Variants in BTAF1 observed in about 807,000 individuals in gnomAD.
The protein encoded by BTAF1 is B-TFIID TATA-box binding protein associated factor 1, also known as TATA-binding protein-associated factor 172.
Under a neutral mutation model 227.1 loss-of-function variants are expected in BTAF1, and 38 were observed. The ratio of observed to expected loss-of-function variants is 0.17; its 90% CI spans 0.13 to 0.22. The LOEUF is 0.22. Among genes scored for constraint, BTAF1 ranks in the 10% least tolerant of loss-of-function variants. The pLI is 1.00. For synonymous variants in BTAF1, 742 were observed against 751.9 expected (o/e 0.99, Z 0.21); for missense variants, 1,598 against 2,204.0 (o/e 0.73, Z 5.51).
At chr10:92,004,905 G>A (rs748286487) in intron 25 of BTAF1, among the ~76,000 whole-genome samples, 23 of 151,660 alleles carry the variant, frequency 1.5e-4, no homozygotes, top group Non-Finnish European at 1.6e-4. Context: ...TTTTTTGATC[G>A]TGACCTGAGT....
At position 91,940,057 on chromosome 10, in the gene BTAF1, A is replaced by G. The variant is rs1844884945; in HGVS notation, c.244A>G (p.Thr82Ala). Reference sequence around the variant, plus strand: ...ACCTGAGTGGAATCCAGTGCCGAGAACCAGACAAGGTGCTTTTAAGTGGAG... The same window carrying G: ...ACCTGAGTGGAATCCAGTGCCGAGAGCCAGACAAGGTGCTTTTAAGTGGAG... ...NVPEWNPVPRTRQEPTSESSM... is the reference protein window; with the variant it reads ...NVPEWNPVPRARQEPTSESSM... Residue 82 changes from threonine to alanine, a missense_variant, in exon 3 of 38, where the codon ACC becomes GCC. Transcript: ENST00000265990. 6.2e-7 allele frequency: 1 copy of G among 1,608,934 alleles called. No individual in the cohort carries two copies. The highest frequency in any genetic ancestry group is 8.5e-7 in the Non-Finnish European group (1 of 1,176,190).
chr10:91,989,084 C>T, intron 19 of BTAF1, 70 bp from the exon 20 acceptor site: 1 of 1,341,270 alleles, frequency 7.5e-7, no homozygotes, highest in Non-Finnish European at 1.0e-6. Context: ...TGCTGTCTAC[C>T]CTTTAGGAGC....
chr10:91,933,253 A>T, intron 1 of BTAF1, among the ~76,000 whole-genome samples: 1 of 152,214 alleles, frequency 6.6e-6, no homozygotes, highest in Non-Finnish European at 1.5e-5. Context: ...TGAGCCATTG[A>T]AAGTTTTAAA....
chr10:91,959,623 T>C (rs1846349186), intron 9 of BTAF1, among the ~76,000 whole-genome samples, 162 bp from the exon 10 acceptor site: 3 of 151,690 alleles, frequency 2.0e-5, no homozygotes. Context: ...CTAAAATCTG[T>C]CCCCATTTTT....
In BTAF1 at chr10:91,997,766, C is replaced by A; in HGVS notation, c.3660+15C>A. 6.2e-7 allele frequency: 1 copy of A among 1,610,434 alleles called. No individual in the cohort carries two copies. The highest frequency in any genetic ancestry group is 8.5e-7 in the Non-Finnish European group (1 of 1,179,412). ...TGCCACTTGAGGTAAGTCAAAGATA[C>A]TTGCTTTAAAGACATAATGTTTTCT... On this transcript the variant is annotated intron_variant, in intron 25 of 37. Transcript: ENST00000265990.
rs58443276 is a variant in BTAF1, at chr10:91,942,298, TTGTGTG to T, written c.254-96_254-91del. 0.38 allele frequency: 204,959 copies of T among 543,692 alleles called. 20,271 individuals carry two copies. The highest frequency in any genetic ancestry group is 0.42 in the East Asian group (11,131 of 26,256). 33.7% of individuals were successfully genotyped at this position (543,692 alleles called of 1,614,324 possible). A position where few individuals can be genotyped will look rare whatever the true frequency, so the allele number is the denominator to read the frequency against. On this transcript the variant is annotated intron_variant, in intron 3 of 37. Transcript: ENST00000265990. Reference sequence around the variant, plus strand: ...GACCTCACTTCTTAAAAAAAAAAGTTTGTGTGTGTGTGTGTGTGTGTGTGTGTGTGT... The same window carrying T: ...GACCTCACTTCTTAAAAAAAAAAGTTTGTGTGTGTGTGTGTGTGTGTGTGT...
intron 21 of BTAF1, 78 bp from the exon 22 acceptor site, chr10:91,993,616 T>C: frequency 1.7e-6 from 2 of 1,157,732 alleles, no homozygotes; most frequent in Non-Finnish European, 2.3e-6. Context: ...ATGGTGACTT[T>C]TAAATTCTTT....
In BTAF1 at chr10:91,953,872, AG is replaced by A; in HGVS notation, c.701+1del. 1 of 1,613,578 alleles carries A rather than the reference AG, an allele frequency of 6.2e-7. No homozygotes were observed. Among genetic ancestry groups the A allele is most frequent in the Non-Finnish European group, 8.5e-7 (1 of 1,179,824 alleles). ...SRDAVETNEK[S>X]NDSTDGEPEE... ...GGATGCAGTGGAAACTAATGAGAAG[AG>A]GTAGTAATCTTTTTTTGCCTATTCA... On this transcript the variant is annotated frameshift_variant and splice_region_variant, in exon 6 of 38. Coordinates refer to ENST00000265990, the MANE Select transcript of BTAF1 (RefSeq NM_003972.3). LOFTEE classifies it high-confidence loss of function.
chr10:91,947,041 C>T (rs1845417439), intron 4 of BTAF1, among the ~76,000 whole-genome samples: 1 of 152,036 alleles, frequency 6.6e-6, no homozygotes, highest in African/African-American at 2.4e-5. Context: ...TAGGGTTTCA[C>T]TGTTGTGGCC....
At position 92,011,202 on chromosome 10, in the gene BTAF1, T is replaced by TA. The variant is rs1589961489; in HGVS notation, c.4181+54dup. The stretch of plus-strand genomic sequence containing the variant: ...AATTAATATCAAATTTGAAGACTCT[T>TA]AATATTTTCCCACTTTAAAGATTCT... On this transcript the variant is annotated intron_variant, in intron 29 of 37. Transcript: ENST00000265990. 27 of 1,519,892 alleles carry TA rather than the reference T, an allele frequency of 1.8e-5. No individual in the cohort carries two copies. The East Asian group carries it at 6.4e-4, about 36-fold the overall frequency. 94.2% of individuals were successfully genotyped at this position (1,519,892 alleles called of 1,614,324 possible).
At chr10:92,003,915 T>C (rs2134082968) in intron 25 of BTAF1, among the ~76,000 whole-genome samples, 1 of 152,352 alleles carries the variant, frequency 6.6e-6, no homozygotes, top group South Asian at 2.1e-4. Context: ...ACACGTTTTG[T>C]CTTTTTAATA....
rs60208547 is a variant in BTAF1, at chr10:91,928,760, T to TCCCCCCC, written c.14+4677_14+4683dup. 1.8e-3 allele frequency among the ~76,000 whole-genome samples: 199 copies of TCCCCCCC among 111,822 alleles called. 5 individuals are homozygous for TCCCCCCC. The highest frequency in any genetic ancestry group is 4.9e-3 in the African/African-American group (112 of 23,030). 73.4% of individuals were successfully genotyped at this position (111,822 alleles called of 152,430 possible). On this transcript the variant is annotated intron_variant, in intron 1 of 37. Coordinates refer to ENST00000265990, the MANE Select transcript of BTAF1 (RefSeq NM_003972.3). ...GCCTGGGCAACAGAGCAAGAATCCATCCCCCCCCCCCCCGCCCCCCAAAAA... is the reference window on the plus strand; with the variant it reads ...GCCTGGGCAACAGAGCAAGAATCCATCCCCCCCCCCCCCCCCCCCCGCCCCCCAAAAA...
chr10:91,942,308 G>A (rs1845069342), intron 3 of BTAF1, 114 bp from the exon 4 acceptor site: 15 of 476,798 alleles, frequency 3.1e-5, no homozygotes, highest in Non-Finnish European at 5.0e-5. Flanking sequence ...TTGTGTGTGT[G>A]TGTGTGTGTG....
In BTAF1 at chr10:91,980,672, T is replaced by C. The variant is rs2792022; in HGVS notation, c.1755+114T>C. The C allele has an allele frequency of 0.31, 238,058 of 777,280 alleles. 40,253 individuals carry two copies. Among genetic ancestry groups the C allele is most frequent in the East Asian group, 0.49 (18,195 of 37,370 alleles). The allele number at this position is 777,280 out of a possible 1,614,324, so 48.1% of individuals were successfully genotyped here. A position where few individuals can be genotyped will look rare whatever the true frequency, so the allele number is the denominator to read the frequency against. On this transcript the variant is annotated intron_variant, in intron 15 of 37. Transcript: ENST00000265990. ...ATATCTCATGGAGATTTGAAAAGTCTGGAGATCTGCATAATGAGACAGAGA... is the reference window on the plus strand; with the variant it reads ...ATATCTCATGGAGATTTGAAAAGTCCGGAGATCTGCATAATGAGACAGAGA...
At chr10:92,010,836 A>G (rs750950778) in intron 28 of BTAF1, among the ~76,000 whole-genome samples, 1 of 152,212 alleles carries the variant, frequency 6.6e-6, no homozygotes. Context: ...GATGTTGGCA[A>G]ATAAAGTTGA....
At chr10:91,931,036 C>T (rs1233746241) in intron 1 of BTAF1, among the ~76,000 whole-genome samples, 1 of 152,250 alleles carries the variant, frequency 6.6e-6, no homozygotes, top group African/African-American at 2.4e-5. Flanking sequence ...TTAACTATGA[C>T]GTAGTAATCT....
At chr10:91,934,908 G>A (rs536124287) in intron 1 of BTAF1, among the ~76,000 whole-genome samples, 1 of 152,144 alleles carries the variant, frequency 6.6e-6, no homozygotes, top group East Asian at 1.9e-4. Flanking sequence ...AGCCTTTTCA[G>A]TATTACATAG....
At chr10:91,968,565 G>T (rs747165783) in intron 14 of BTAF1, among the ~76,000 whole-genome samples, 1 of 152,158 alleles carries the variant, frequency 6.6e-6, no homozygotes, top group African/African-American at 2.4e-5. Context: ...ACCAAGGAGC[G>T]TATCTGCTGA....
In BTAF1 at chr10:92,008,959, A is replaced by G; in HGVS notation, c.3935+9A>G. ...GGAGATCATTGTCATAGGTAATTTA[A>G]GATGTTATTTTAAAATAAGGTTTCC... On this transcript the variant is annotated intron_variant, in intron 27 of 37. Coordinates refer to ENST00000265990, the MANE Select transcript of BTAF1 (RefSeq NM_003972.3). The G allele has an allele frequency of 1.2e-6, 2 of 1,612,258 alleles. No individual in the cohort carries two copies. Among genetic ancestry groups the G allele is most frequent in the Non-Finnish European group, 1.7e-6 (2 of 1,179,258 alleles).
Sources: gnomAD v4.1 joint callset for allele counts (sites outside exome capture counted in the v4.1 genomes callset) on GRCh38, gnomAD v4.1.1 for gene constraint, MANE v1.5 for transcripts, NCBI Gene and HGNC (gene_info 2026-07-23, HGNC 2026-07-21) for gene names.